The following CCDC102B variants were observed in gnomAD, a reference collection of about 807,000 sequenced individuals.
CCDC102B encodes coiled-coil domain-containing protein 102B.
Under a neutral mutation model 57.4 loss-of-function variants are expected in CCDC102B, and 75 were observed. The ratio of observed to expected loss-of-function variants is 1.31; its 90% CI spans 1.08 to 1.58. The LOEUF is 1.58. Among genes scored for constraint, CCDC102B ranks in the 40% most tolerant of loss-of-function variants. The probability of loss-of-function intolerance (pLI) is 0.00; values close to 1 mark genes in which losing one functional copy is unlikely to be tolerated. For missense variants in CCDC102B, 636 were observed against 582.6 expected (o/e 1.09, Z -0.94); for synonymous variants, 206 against 201.9 (o/e 1.02, Z -0.17).
chr18:68,913,506 G>A (rs1320288203), intron 6 of CCDC102B, among the ~76,000 whole-genome samples: 1 of 151,884 alleles, frequency 6.6e-6, no homozygotes, highest in African/African-American at 2.4e-5. Context: ...AATTAGCCAG[G>A]CATCATGGCA....
intron 7 of CCDC102B, among the ~76,000 whole-genome samples, chr18:69,018,642 T>C (rs1479563506): frequency 6.6e-6 from 1 of 152,190 alleles, no homozygotes; most frequent in East Asian, 1.9e-4. Context: ...GCTATTGAGC[T>C]GTATGAATTT....
chr18:68,791,874 A>G (rs904728129), intron 2 of CCDC102B, among the ~76,000 whole-genome samples: 8 of 152,146 alleles, frequency 5.3e-5, no homozygotes, highest in Admixed American at 2.0e-4. Flanking sequence ...TCACTACTCC[A>G]TCACTGTAAA....
chr18:68,956,328 A>AT (rs1430400324), intron 6 of CCDC102B, among the ~76,000 whole-genome samples: 2 of 53,204 alleles, frequency 3.8e-5, no homozygotes, highest in African/African-American at 8.4e-5. Flanking sequence ...TATTTTATAT[A>AT]TATTATATAT....
chr18:69,007,744 A>G (rs989537612), intron 6 of CCDC102B, among the ~76,000 whole-genome samples: 1 of 152,238 alleles, frequency 6.6e-6, no homozygotes, highest in Non-Finnish European at 1.5e-5. Flanking sequence ...TAGGCCTGAG[A>G]ATAAGTTGAT....
chr18:69,005,749 C>A (rs2051323419), intron 6 of CCDC102B, among the ~76,000 whole-genome samples: 1 of 151,408 alleles, frequency 6.6e-6, no homozygotes, highest in Non-Finnish European at 1.5e-5. Context: ...TATTTCACAT[C>A]ATTGGAAACT....
chr18:68,737,498 GTGTC>G (rs1412399265), intron 2 of CCDC102B, among the ~76,000 whole-genome samples: 4 of 151,824 alleles, frequency 2.6e-5, no homozygotes, highest in Non-Finnish European at 5.9e-5. Flanking sequence ...GTATGTGTGT[GTGTC>G]TGTGTGTGTG....
intron 7 of CCDC102B, among the ~76,000 whole-genome samples, chr18:69,021,643 C>A (rs1017620549): frequency 2.0e-5 from 3 of 152,110 alleles, no homozygotes; most frequent in Non-Finnish European, 4.4e-5. Context: ...ACAGCAGAAA[C>A]AATTTGTTGT....
chr18:68,941,424 T>G (rs548176633), intron 6 of CCDC102B, among the ~76,000 whole-genome samples: 1 of 152,114 alleles, frequency 6.6e-6, no homozygotes, highest in African/African-American at 2.4e-5. Context: ...TCTAAATTTA[T>G]TTTTTTCCAA....
intron 5 of CCDC102B, among the ~76,000 whole-genome samples, chr18:68,876,596 C>T (rs1292881200): frequency 6.6e-6 from 1 of 152,006 alleles, no homozygotes; most frequent in Non-Finnish European, 1.5e-5. Flanking sequence ...CTCTTATTGA[C>T]TTTACATGTT....
In CCDC102B at chr18:68,763,350, C is replaced by T. The variant is rs144383511; in HGVS notation, c.-67+46756C>T. Reference sequence around the variant, plus strand: ...TTTTAAAATAAGCTAGATGGAGTTACCATATGCATGCATGGTTGCCCCTTT... The same window carrying T: ...TTTTAAAATAAGCTAGATGGAGTTATCATATGCATGCATGGTTGCCCCTTT... On this transcript the variant is annotated intron_variant, in intron 2 of 3. Coordinates refer to the CCDC102B transcript ENST00000578970. Among the ~76,000 whole-genome samples, 34 of 152,222 alleles carry T rather than the reference C, an allele frequency of 2.2e-4. No homozygotes were observed. The East Asian group carries it at 6.4e-3, about 29-fold the overall frequency.
chr18:68,761,763 A>T (rs1327046533), intron 2 of CCDC102B, among the ~76,000 whole-genome samples: 1 of 152,070 alleles, frequency 6.6e-6, no homozygotes, highest in Non-Finnish European at 1.5e-5. Flanking sequence ...AGTTTCTATC[A>T]TGGTTAGTTG....
chr18:68,743,244 TAA>T (rs2033473926), intron 2 of CCDC102B, among the ~76,000 whole-genome samples: 3 of 144,254 alleles, frequency 2.1e-5, no homozygotes, highest in Admixed American at 1.4e-4. Flanking sequence ...AATAAATAAA[TAA>T]ATAAATAAAA....
At chr18:68,981,729 G>A (rs2050587033) in intron 6 of CCDC102B, among the ~76,000 whole-genome samples, 1 of 151,934 alleles carries the variant, frequency 6.6e-6, no homozygotes, top group African/African-American at 2.4e-5. Flanking sequence ...TAAAGAATGA[G>A]AACTTGAGAG....
intron 6 of CCDC102B, among the ~76,000 whole-genome samples, chr18:68,956,460 TTTATATATATATTA>T (rs2049877375): frequency 2.3e-4 from 2 of 8,788 alleles, no homozygotes; most frequent in East Asian, 0.071. Flanking sequence ...TATTATATAT[TTTATATATATATTA>T]TATATATATA....
chr18:69,031,189 T>C (rs1332990393), intron 7 of CCDC102B, among the ~76,000 whole-genome samples: 1 of 152,212 alleles, frequency 6.6e-6, no homozygotes, highest in Non-Finnish European at 1.5e-5. Context: ...ATATTTATAT[T>C]GTAGAAGAAA....
intron 6 of CCDC102B, among the ~76,000 whole-genome samples, chr18:68,951,715 G>A (rs186998496): frequency 2.2e-4 from 33 of 152,020 alleles, no homozygotes; most frequent in Admixed American, 2.2e-3. Flanking sequence ...GGCTGAGTTA[G>A]GAGGATCACC....
chr18:68,949,436 C>T (rs1303265279), intron 6 of CCDC102B, among the ~76,000 whole-genome samples: 1 of 152,080 alleles, frequency 6.6e-6, no homozygotes, highest in Non-Finnish European at 1.5e-5. Flanking sequence ...AGGGCAGTTT[C>T]CTGTAGAAGC....
chr18:68,978,939 T>C (rs2050506971), intron 6 of CCDC102B, among the ~76,000 whole-genome samples: 1 of 152,038 alleles, frequency 6.6e-6, no homozygotes, highest in African/African-American at 2.4e-5. Context: ...ACCTCAGATA[T>C]ATAATGTTGG....
intron 6 of CCDC102B, among the ~76,000 whole-genome samples, chr18:68,944,020 ATGT>A (rs1233471511): frequency 1.3e-5 from 2 of 152,126 alleles, no homozygotes; most frequent in African/African-American, 4.8e-5. Context: ...TCAAGGCTTT[ATGT>A]TGTTATCTCT....
Sources: gnomAD v4.1 joint callset for allele counts (sites outside exome capture counted in the v4.1 genomes callset) on GRCh38, gnomAD v4.1.1 for gene constraint, MANE v1.5 for transcripts, NCBI Gene and HGNC (gene_info 2026-07-23, HGNC 2026-07-21) for gene names.